Variants in P2RY12 observed in about 807,000 individuals in gnomAD.
P2RY12 encodes P2Y purinoceptor 12.
Under a neutral mutation model 4.5 loss-of-function variants are expected in P2RY12, and 3 were observed. The ratio of observed to expected loss-of-function variants is 0.67; its 90% CI spans 0.31 to 1.74. P2RY12 has a LOEUF of 1.74. Ranked by LOEUF, P2RY12 falls within the 40% of genes most tolerant of loss-of-function variation. The pLI, the probability that P2RY12 is intolerant of heterozygous loss-of-function variation, is 0.09. For missense variants in P2RY12, 356 were observed against 407.8 expected (o/e 0.87, Z 1.09); for synonymous variants, 148 against 154.1 (o/e 0.96, Z 0.29).
At chr3:151,379,388 G>A (rs1237869344) in intron 1 of P2RY12, among the ~76,000 whole-genome samples, 2 of 152,170 alleles carry the variant, frequency 1.3e-5, no homozygotes, top group African/African-American at 2.4e-5. Flanking sequence ...TTTCCAACAT[G>A]GCGCTTTGTT....
intron 1 of P2RY12, chr3:151,377,952 T>A: frequency 6.8e-7 from 1 of 1,465,896 alleles, no homozygotes; most frequent in Non-Finnish European, 9.1e-7. Context: ...GTTTCTGTTA[T>A]AACTGTGAGA....
intron 1 of P2RY12, among the ~76,000 whole-genome samples, chr3:151,347,354 A>C (rs1752665583): frequency 6.6e-6 from 1 of 152,202 alleles, no homozygotes; most frequent in African/African-American, 2.4e-5. Context: ...TTGCCTATTA[A>C]GGAGATTATA....
rs1754501685 is a variant in P2RY12 at position 151,360,711 on chromosome 3, G to A, written c.-179-19951C>T. 3 of 1,043,044 alleles carry A rather than the reference G, an allele frequency of 2.9e-6. No homozygotes were observed. In the South Asian group the frequency reaches 4.7e-5, roughly 16 times the overall value. 64.6% of individuals were successfully genotyped at this position (1,043,044 alleles called of 1,614,324 possible). A position where few individuals can be genotyped will look rare whatever the true frequency, so the allele number is the denominator to read the frequency against. On this transcript the variant is annotated intron_variant, in intron 1 of 2. Transcript: ENST00000302632. The stretch of plus-strand genomic sequence containing the variant: ...TGAATAATGAAAGCTAATTGCAATT[G>A]TATCTATTAGGCAGTAATTTTGATA...
chr3:151,380,078 A>G (rs1434250209), intron 1 of P2RY12: 17 of 1,314,640 alleles, frequency 1.3e-5, no homozygotes, highest in Non-Finnish European at 1.8e-5. Flanking sequence ...CATTATTTCT[A>G]ACTAGATCTG....
At chr3:151,338,937 T>G (rs1445632471) in intron 2 of P2RY12, 78 bp from the exon 3 acceptor site, 1 of 1,282,226 alleles carries the variant, frequency 7.8e-7, no homozygotes, top group Non-Finnish European at 1.1e-6. Context: ...GTAACTTTTT[T>G]GGACACAGCC....
At chr3:151,346,395 A>C in intron 1 of P2RY12, among the ~76,000 whole-genome samples, 1 of 152,240 alleles carries the variant, frequency 6.6e-6, no homozygotes. Context: ...GTTGTTCTTC[A>C]TGCCCAACTC....
intron 1 of P2RY12, chr3:151,376,679 T>A (rs1385359666): frequency 1.2e-6 from 1 of 810,272 alleles, no homozygotes; most frequent in Non-Finnish European, 2.0e-6. Context: ...TTGACTCATA[T>A]AAATTATTTC....
chr3:151,368,220 T>A lies in P2RY12; in HGVS notation c.-180+16472A>T, dbSNP rs1393159611. 3 of 1,614,034 alleles carry A rather than the reference T, an allele frequency of 1.9e-6. No individual in the cohort carries two copies. In the South Asian group the frequency reaches 3.3e-5, roughly 18 times the overall value. ...GACTCTTGCTTCATCTCTTCCGAGC[T>A]CCCCAGGCCTGCTTCTTACCTCAAG... is the stretch of plus-strand genomic sequence containing the variant. On this transcript the variant is annotated intron_variant, in intron 1 of 2. Coordinates refer to ENST00000302632, the MANE Select transcript of P2RY12 (RefSeq NM_022788.5).
chr3:151,381,854 G>C lies in P2RY12; in HGVS notation c.-180+2838C>G, dbSNP rs144133240. On this transcript the variant is annotated intron_variant, in intron 1 of 2. Coordinates refer to ENST00000302632, the MANE Select transcript of P2RY12 (RefSeq NM_022788.5). ...GAAGTGCTTTCCTCTCACCTTGCAG[G>C]GTACTTACAGGTCATCTGTTGGGAT... is the stretch of plus-strand genomic sequence containing the variant. Among the ~76,000 whole-genome samples, 217 of 152,184 alleles carry C rather than the reference G, an allele frequency of 1.4e-3. 3 individuals are homozygous for C. Among genetic ancestry groups the C allele is most frequent in the African/African-American group, 4.7e-3 (197 of 41,516 alleles).
rs137890322 is a variant in P2RY12, at chr3:151,383,799, G to A, written c.-180+893C>T. 1,489 of 1,612,322 alleles carry A rather than the reference G, an allele frequency of 9.2e-4. 1 individual carries two copies. The highest frequency in any genetic ancestry group is 1.2e-3 in the Non-Finnish European group (1,382 of 1,179,196). On this transcript the variant is annotated intron_variant, in intron 1 of 2. Transcript: ENST00000302632. The stretch of plus-strand genomic sequence containing the variant: ...GCTAGGTAGGAGGAATGTTTGACAC[G>A]GTGCAGAGGAGCACCCAGTGGACTA...
chr3:151,352,282 G>A lies in P2RY12; in HGVS notation c.-179-11522C>T, dbSNP rs559824508. ...TGCACTCAAAGTTTCATATTTTGGA[G>A]AATTTCAGATTTTGGATTCTCAGAA... On this transcript the variant is annotated intron_variant, in intron 1 of 2. Coordinates refer to ENST00000302632, the MANE Select transcript of P2RY12 (RefSeq NM_022788.5). Among the ~76,000 whole-genome samples, 46 of 152,256 alleles carry A rather than the reference G, an allele frequency of 3.0e-4. No individual in the cohort carries two copies. In the South Asian group the frequency reaches 6.2e-3, roughly 21 times the overall value.
intron 1 of P2RY12, chr3:151,367,715 T>C (rs778095842): frequency 6.2e-7 from 1 of 1,612,102 alleles, no homozygotes; most frequent in Non-Finnish European, 8.5e-7. Context: ...ACAGTGTTTT[T>C]CCCTGGAGGA....
In P2RY12 at chr3:151,368,752, G is replaced by T. The variant is rs866928631; in HGVS notation, c.-180+15940C>A. On this transcript the variant is annotated intron_variant, in intron 1 of 2. Transcript: ENST00000302632. The stretch of plus-strand genomic sequence containing the variant: ...TTCATTTCATTTCATTTCATTTCAT[G>T]TCATTTCATTTTTTTTTTTTTTTTT... 1.5e-3 allele frequency among the ~76,000 whole-genome samples: 139 copies of T among 90,448 alleles called. 2 individuals carry two copies. The highest frequency in any genetic ancestry group is 3.5e-3 in the South Asian group (10 of 2,886). The allele number at this position is 90,448 out of a possible 152,430, so 59.3% of individuals were successfully genotyped here.
chr3:151,353,248 G>A (rs1462156149), intron 1 of P2RY12, among the ~76,000 whole-genome samples: 2 of 152,198 alleles, frequency 1.3e-5, no homozygotes, highest in Admixed American at 6.5e-5. Flanking sequence ...AAGGCATTTT[G>A]TGCACAAGAC....
intron 1 of P2RY12, among the ~76,000 whole-genome samples, chr3:151,355,692 CT>C (rs1288619868): frequency 6.6e-6 from 1 of 152,072 alleles, no homozygotes; most frequent in African/African-American, 2.4e-5. Flanking sequence ...TGAATGACAA[CT>C]TTTTGTATTT....
At chr3:151,368,760 ATTTTTT>A (rs201834162) in intron 1 of P2RY12, among the ~76,000 whole-genome samples, 7 of 80,288 alleles carry the variant, frequency 8.7e-5, no homozygotes, top group Admixed American at 5.1e-4. Context: ...ATGTCATTTC[ATTTTTT>A]TTTTTTTTTT....
intron 1 of P2RY12, chr3:151,350,212 G>T: frequency 6.2e-7 from 1 of 1,612,672 alleles, no homozygotes; most frequent in Non-Finnish European, 8.5e-7. Context: ...AGGGGGTAAA[G>T]AACCTTAATG....
chr3:151,363,587 T>C (rs979146161), intron 1 of P2RY12, among the ~76,000 whole-genome samples: 3 of 152,198 alleles, frequency 2.0e-5, no homozygotes, highest in Admixed American at 6.5e-5. Context: ...AATTGCAAAC[T>C]TGTATCCTTC....
intron 1 of P2RY12, among the ~76,000 whole-genome samples, chr3:151,364,146 G>C (rs572134392): frequency 1.3e-4 from 20 of 152,226 alleles, no homozygotes; most frequent in African/African-American, 4.8e-4. Context: ...ACCTACAGAA[G>C]GTAAGCACAA....
Sources: gnomAD v4.1 joint callset for allele counts (sites outside exome capture counted in the v4.1 genomes callset) on GRCh38, gnomAD v4.1.1 for gene constraint, MANE v1.5 for transcripts, NCBI Gene and HGNC (gene_info 2026-07-23, HGNC 2026-07-21) for gene names.